LRRK1: variants seen among roughly 807,000 people sequenced by gnomAD.
LRRK1 encodes leucine-rich repeat serine/threonine-protein kinase 1.
LRRK1 carries 113 observed loss-of-function variants against 209.1 expected under a neutral mutation model. The observed-to-expected ratio is 0.54, with a 90% CI of 0.46 to 0.63. LRRK1 has a LOEUF of 0.63. Among genes scored for constraint, LRRK1 ranks in the 30% least tolerant of loss-of-function variants. The probability of loss-of-function intolerance (pLI) is 0.00; values close to 1 mark genes in which losing one functional copy is unlikely to be tolerated. For synonymous variants in LRRK1, 1,144 were observed against 1,099.7 expected, an observed-to-expected ratio of 1.04 and a Z score of -0.80; for missense variants, 2,284 against 2,632.2, an observed-to-expected ratio of 0.87 and a Z score of 2.89.
chr15:100,951,825 G>A (rs559246865), intron 2 of LRRK1, among the ~76,000 whole-genome samples: 58 of 151,932 alleles, frequency 3.8e-4, no homozygotes, highest in Middle Eastern at 3.4e-3. Context: ...GGTGGCATGC[G>A]TCTGTAATCC....
intron 2 of LRRK1, among the ~76,000 whole-genome samples, chr15:100,941,436 G>GTCTGTGTGTGTGTGTCTGTGTCTC (rs2042425840): frequency 0.017 from 149 of 8,806 alleles, 31 homozygotes; most frequent in African/African-American, 0.03. Context: ...GTCTGTGTGT[G>GTCTGTGTGTGTGTGTCTGTGTCTC]TGTGTGTGTC....
intron 26 of LRRK1, among the ~76,000 whole-genome samples, chr15:101,053,630 C>G (rs1397741985): frequency 5.9e-5 from 9 of 152,174 alleles, no homozygotes; most frequent in Admixed American, 5.9e-4. Context: ...GGGGAGCGCA[C>G]ACTCTGGAGT....
At chr15:101,050,389 C>T (rs747651361) in intron 23 of LRRK1, among the ~76,000 whole-genome samples, 22 of 152,152 alleles carry the variant, frequency 1.4e-4, no homozygotes, top group Non-Finnish European at 1.6e-4. Context: ...GGGGTGGAGA[C>T]GACTCCCAGA....
intron 2 of LRRK1, among the ~76,000 whole-genome samples, chr15:100,958,264 AG>A (rs1447396460): frequency 6.6e-6 from 1 of 152,232 alleles, no homozygotes; most frequent in Non-Finnish European, 1.5e-5. Context: ...GAACTATCAG[AG>A]TAAACAATTG....
chr15:100,951,470 T>A (rs1316849359), intron 2 of LRRK1, among the ~76,000 whole-genome samples: 1 of 152,152 alleles, frequency 6.6e-6, no homozygotes, highest in Non-Finnish European at 1.5e-5. Flanking sequence ...AGGGCAGATA[T>A]TCACAGAAAA....
chr15:101,072,721 T>G lies in LRRK1; in HGVS notation c.*3873T>G, dbSNP rs2036847071. The G allele has an allele frequency of 6.6e-6, 1 of 152,384 alleles. No individual in the cohort carries two copies. The highest frequency in any genetic ancestry group is 6.5e-5 in the Admixed American group (1 of 15,284). The allele number at this position is 152,384 out of a possible 1,614,324, so 9.4% of individuals were successfully genotyped here. On this transcript the variant is annotated 3_prime_UTR_variant, in exon 34 of 34. Transcript: ENST00000388948. Reference sequence around the variant, plus strand: ...ATCCTGGCTCAAAAAGCTCCCCCACTGAGCACGTTGCCACCCCCACTCCTG... The same window carrying G: ...ATCCTGGCTCAAAAAGCTCCCCCACGGAGCACGTTGCCACCCCCACTCCTG...
intron 20 of LRRK1, chr15:101,043,601 G>A (rs1356215744): frequency 3.8e-5 from 5 of 131,434 alleles, no homozygotes; most frequent in South Asian, 2.5e-4. Context: ...AAACGTACAC[G>A]TATTTATAAT....
rs755701846 is a variant in LRRK1, at chr15:101,065,685, G to A, written c.5248G>A (p.Val1750Ile). 6 of 1,614,000 alleles carry A rather than the reference G, an allele frequency of 3.7e-6. No individual in the cohort carries two copies. Among genetic ancestry groups the A allele is most frequent in the African/African-American group, 1.3e-5 (1 of 74,924 alleles). Residue 1750 changes from valine (V) to isoleucine (I), a missense_variant, in exon 32 of 34, where the codon GTC becomes ATC. Val to Ile is a conservative substitution (Grantham distance 29). Transcript: ENST00000388948. ...CAGCTCTGAGGGCAGAGGGGAGGAG[G>A]TCGTCTGGTGCCTGGATGACAAGGC... is the stretch of plus-strand genomic sequence containing the variant. ...VCSSEGRGEE[V>I]VWCLDDKANS...
intron 2 of LRRK1, among the ~76,000 whole-genome samples, chr15:100,940,317 T>A (rs1193801832): frequency 6.6e-6 from 1 of 152,242 alleles, no homozygotes; most frequent in African/African-American, 2.4e-5. Flanking sequence ...TAGTATCCTG[T>A]CACTTCTGAG....
At chr15:100,946,119 A>G (rs2042535531) in intron 2 of LRRK1, among the ~76,000 whole-genome samples, 1 of 152,378 alleles carries the variant, frequency 6.6e-6, no homozygotes, top group Admixed American at 6.5e-5. Context: ...AAAATAACAT[A>G]TCATCTTCTT....
Position 101,026,140 on chromosome 15 carries a change from G to A in LRRK1, c.2405+3G>A, listed in dbSNP as rs2034021968. ...GACATCACCTTCAAACACTTACAGT[G>A]AGTGCCCAGCCTCGGGCAGCTCCTG... On this transcript the variant is annotated splice_donor_region_variant and intron_variant, in intron 17 of 33. Transcript: ENST00000388948. 3 of 1,614,082 alleles carry A rather than the reference G, an allele frequency of 1.9e-6. No homozygotes were observed. The highest frequency in any genetic ancestry group is 1.1e-5 in the South Asian group (1 of 91,080).
intron 2 of LRRK1, among the ~76,000 whole-genome samples, chr15:100,936,149 G>T (rs2042295704): frequency 6.6e-6 from 1 of 152,190 alleles, no homozygotes; most frequent in Admixed American, 6.5e-5. Flanking sequence ...AGGGATCAAA[G>T]ATGTACCCAT....
intron 2 of LRRK1, among the ~76,000 whole-genome samples, chr15:100,946,867 G>T (rs184093915): frequency 2.8e-4 from 43 of 152,306 alleles, no homozygotes; most frequent in Middle Eastern, 3.4e-3. Flanking sequence ...GCCAGTCAAC[G>T]AATAGGTAGA....
At position 101,065,521 on chromosome 15, in the gene LRRK1, C is replaced by T; in HGVS notation, c.5084C>T (p.Ala1695Val). The T allele has an allele frequency of 6.2e-7, 1 of 1,614,222 alleles. No individual in the cohort carries two copies. The highest frequency in any genetic ancestry group is 1.1e-5 in the South Asian group (1 of 91,088). ...DARQNPYPVKAMEVVNSGSEV... is the reference protein window; with the variant it reads ...DARQNPYPVKVMEVVNSGSEV... ...CGGCAGAACCCCTACCCAGTGAAGG[C>T]CATGGAGGTGGTCAACAGCGGCTCT... is the stretch of plus-strand genomic sequence containing the variant. Residue 1695 changes from alanine (A) to valine (V), a missense_variant, in exon 32 of 34, where the codon GCC (alanine) becomes GTC (valine). Physicochemically the swap from Ala to Val is moderately conservative, Grantham distance 64 (BLOSUM62 0). Around this residue, in one of 6 missense-constraint regions of LRRK1, gnomAD observed 643 missense variants for 695.9 expected, o/e 0.92. Coordinates refer to ENST00000388948, the MANE Select transcript of LRRK1 (RefSeq NM_024652.6).
Position 101,065,928 on chromosome 15 carries a change from C to A in LRRK1, c.5491C>A (p.His1831Asn). 1 of 1,614,166 alleles carries A rather than the reference C, an allele frequency of 6.2e-7. No individual in the cohort carries two copies. Among genetic ancestry groups the A allele is most frequent in the African/African-American group, 1.3e-5 (1 of 75,044 alleles). ...GGAGCTGGGCACGCAGATCCTGATC[C>A]ACCAGGAATCACTCACTGACTACTG... Reference protein sequence around the residue: ...SEELGTQILIHQESLTDYCSM... With the variant: ...SEELGTQILINQESLTDYCSM... The change falls in exon 32 of 34, where the codon CAC (histidine) becomes AAC (asparagine). Residue 1831 changes from histidine to asparagine, a missense_variant. Transcript: ENST00000388948.
rs1397828747 is a variant in LRRK1, at chr15:100,924,686, G to A, written c.54G>A (p.Glu18=). 1.2e-6 allele frequency: 2 copies of A among 1,614,202 alleles called. No individual in the cohort carries two copies. Among genetic ancestry groups the A allele is most frequent in the East Asian group, 4.5e-5 (2 of 44,886 alleles). Residue 18 remains glutamate (E), a synonymous_variant, in exon 2 of 34, where the codon GAG becomes GAA. Coordinates refer to ENST00000388948, the MANE Select transcript of LRRK1 (RefSeq NM_024652.6). Reference sequence around the variant, plus strand: ...GCATGTACTGGTGTGTGGGGCCGGAGGAGTCAGCTGTGTGTCCAGAACGTG... The same window carrying A: ...GCATGTACTGGTGTGTGGGGCCGGAAGAGTCAGCTGTGTGTCCAGAACGTG... ...PPSMYWCVGP[E]ESAVCPERAM...
At chr15:101,060,387 C>T (rs1212498071) in intron 29 of LRRK1, among the ~76,000 whole-genome samples, 1 of 151,976 alleles carries the variant, frequency 6.6e-6, no homozygotes. Context: ...TTTTCTGATG[C>T]ATAAAAAAAT....
chr15:100,965,375 G>T (rs1377461186), intron 2 of LRRK1, among the ~76,000 whole-genome samples: 1 of 152,118 alleles, frequency 6.6e-6, no homozygotes, highest in Non-Finnish European at 1.5e-5. Context: ...AGAACTAAAT[G>T]GTGTTCAGGT....
At position 101,019,012 on chromosome 15, in the gene LRRK1, G is replaced by A. The variant is rs528332308; in HGVS notation, c.1610-2041G>A. Among the ~76,000 whole-genome samples the A allele has an allele frequency of 4.3e-4, 66 of 152,266 alleles. 1 individual carries two copies. Among genetic ancestry groups the A allele is most frequent in the Admixed American group, 1.2e-3 (19 of 15,298 alleles). ...CAGTGGCCTCATCCAAAAATAATTT[G>A]GATGGCCGTTTTTACGGTAAAAATC... is the stretch of plus-strand genomic sequence containing the variant. On this transcript the variant is annotated intron_variant, in intron 12 of 33. Coordinates refer to ENST00000388948, the MANE Select transcript of LRRK1 (RefSeq NM_024652.6).
Sources: allele counts gnomAD v4.1 joint callset (sites outside exome capture counted in the v4.1 genomes callset), GRCh38; gene constraint gnomAD v4.1.1; regional missense constraint gnomAD v4.1.1; transcripts MANE v1.5; gene names NCBI Gene and HGNC (gene_info 2026-07-23, HGNC 2026-07-21).